PITPNM3: variants seen among roughly 807,000 people sequenced by gnomAD.
PITPNM3 encodes membrane-associated phosphatidylinositol transfer protein 3.
Under a neutral mutation model 102.0 loss-of-function variants are expected in PITPNM3, and 26 were observed. The observed-to-expected ratio is 0.25, with a 90% CI of 0.19 to 0.35. The LOEUF is 0.35. PITPNM3 is among the 10% of genes least tolerant of loss of function. The pLI is 1.00. For synonymous variants in PITPNM3, 578 were observed against 558.6 expected (o/e 1.03, Z -0.49); for missense variants, 1,083 against 1,346.1 (o/e 0.80, Z 3.06).
At chr17:6,496,066 G>T (rs1351158303) in intron 4 of PITPNM3, among the ~76,000 whole-genome samples, 1 of 152,192 alleles carries the variant, frequency 6.6e-6, no homozygotes, top group Non-Finnish European at 1.5e-5. Context: ...GGCTCATGCA[G>T]GAGCCTCTCT....
At chr17:6,482,613 G>T (rs541422988) in intron 6 of PITPNM3, among the ~76,000 whole-genome samples, 1 of 152,290 alleles carries the variant, frequency 6.6e-6, no homozygotes, top group South Asian at 2.1e-4. Context: ...ACTGGGGCAT[G>T]GTATCGGTGT....
chr17:6,490,364 A>G (rs1448699969), intron 4 of PITPNM3, among the ~76,000 whole-genome samples: 3 of 152,080 alleles, frequency 2.0e-5, no homozygotes, highest in African/African-American at 4.8e-5. Flanking sequence ...GTTTGCCTAC[A>G]TTCCCCGGTA....
chr17:6,463,941 A>G, intron 16 of PITPNM3, 60 bp from the exon 17 acceptor site: 1 of 1,602,952 alleles, frequency 6.2e-7, no homozygotes, highest in South Asian at 1.1e-5. Flanking sequence ...GCCGGAATCC[A>G]GAGGTCAGCC....
Position 6,457,641 on chromosome 17 carries a change from T to G in PITPNM3, c.2572A>C (p.Ile858Leu). The G allele has an allele frequency of 6.2e-7, 1 of 1,611,686 alleles. No homozygotes were observed. The highest frequency in any genetic ancestry group is 8.5e-7 in the Non-Finnish European group (1 of 1,179,174). The change falls in exon 19 of 20, where the codon ATC becomes CTC. Residue 858 changes from isoleucine (I) to leucine (L), a missense_variant. Physicochemically the swap from Ile to Leu is conservative, Grantham distance 5. This residue lies in a region of PITPNM3 where 208 missense variants were observed against 178.2 expected (regional missense o/e 1.17). Transcript: ENST00000262483. The surrounding 1 kb of genome is among the most constrained non-coding windows in gnomAD (Gnocchi z 4.7). Reference sequence around the variant, plus strand: ...TTGGTGGGCCGGCCCACAATGAAGATCTGGGAGGCAGGCAGGCCCAGCACG... The same window carrying G: ...TTGGTGGGCCGGCCCACAATGAAGAGCTGGGAGGCAGGCAGGCCCAGCACG... ...YSVLGLPASQ[I>L]FIVGRPTKKY...
rs1913962545 is a variant in PITPNM3 at position 6,453,667 on chromosome 17, G to T, written c.*1671C>A. 1 of 152,358 alleles carries T rather than the reference G, an allele frequency of 6.6e-6. No individual in the cohort carries two copies. Among genetic ancestry groups the T allele is most frequent in the African/African-American group, 2.4e-5 (1 of 41,462 alleles). 9.4% of individuals were successfully genotyped at this position (152,358 alleles called of 1,614,324 possible). ...CCCCAGGAGGGCACCCAATTTGCCA[G>T]GCAATTCACAACGGCGGTGCCAGCC... On this transcript the variant is annotated 3_prime_UTR_variant, in exon 20 of 20. Transcript: ENST00000262483.
In PITPNM3 at chr17:6,537,388, A is replaced by G. The variant is rs1036345433; in HGVS notation, c.118+599T>C. Reference sequence around the variant, plus strand: ...TTCCCCAGTAGCTGGGATTACAGGCACCCGCCACCACACCCGGCTAATGTT... The same window carrying G: ...TTCCCCAGTAGCTGGGATTACAGGCGCCCGCCACCACACCCGGCTAATGTT... On this transcript the variant is annotated intron_variant, in intron 2 of 19. Transcript: ENST00000262483. This position sits in a 1 kb window ranked among gnomAD's most constrained non-coding sequence, Gnocchi z 4.4. 6.6e-6 allele frequency among the ~76,000 whole-genome samples: 1 copy of G among 150,742 alleles called. No homozygotes were observed.
chr17:6,455,567 G>C lies in PITPNM3; in HGVS notation c.2696C>G (p.Ser899Trp), dbSNP rs762714529. ...GCTGCCCTTGCGCAGGATCATGCGC[G>C]AGTTGTTCTTCTTTGGGCGTGAGCG... ...SHRSRPKKNN[S>W]RMILRKGSFG... The change falls in exon 20 of 20, where the codon TCG (serine) becomes TGG (tryptophan). Residue 899 changes from serine to tryptophan, a missense_variant. By Grantham distance (177) the Ser-to-Trp change is radical. Coordinates refer to ENST00000262483, the MANE Select transcript of PITPNM3 (RefSeq NM_031220.4). 1 of 1,601,694 alleles carries C rather than the reference G, an allele frequency of 6.2e-7. No individual in the cohort carries two copies. The highest frequency in any genetic ancestry group is 1.7e-4 in the Middle Eastern group (1 of 6,058).
chr17:6,511,188 C>T (rs1044889736), intron 3 of PITPNM3, among the ~76,000 whole-genome samples: 4 of 152,170 alleles, frequency 2.6e-5, no homozygotes, highest in African/African-American at 4.8e-5. Context: ...GGATGGCCTT[C>T]GGTGCCAGGT....
At chr17:6,499,394 G>A (rs1328731389) in intron 4 of PITPNM3, among the ~76,000 whole-genome samples, 2 of 152,204 alleles carry the variant, frequency 1.3e-5, no homozygotes, top group Non-Finnish European at 2.9e-5. Flanking sequence ...TGCAACCCAA[G>A]AGGCCCTGTG....
At chr17:6,488,009 A>G (rs1000724029) in intron 4 of PITPNM3, among the ~76,000 whole-genome samples, 2 of 152,226 alleles carry the variant, frequency 1.3e-5, no homozygotes, top group African/African-American at 4.8e-5. Flanking sequence ...AGATGGAGGA[A>G]GGGAGATCTA....
intron 9 of PITPNM3, among the ~76,000 whole-genome samples, chr17:6,475,019 G>C (rs1905239583): frequency 6.6e-6 from 1 of 152,180 alleles, no homozygotes; most frequent in Non-Finnish European, 1.5e-5. Context: ...ACACTGGCAG[G>C]CCTGCCTCGT....
chr17:6,536,277 G>C lies in PITPNM3; in HGVS notation c.118+1710C>G, dbSNP rs1246821711. Among the ~76,000 whole-genome samples the C allele has an allele frequency of 3.9e-5, 6 of 152,204 alleles. No individual in the cohort carries two copies. The South Asian group carries it at 6.2e-4, about 16-fold the overall frequency. On this transcript the variant is annotated intron_variant, in intron 2 of 19. Transcript: ENST00000262483. Reference sequence around the variant, plus strand: ...TGCTCTCAGGGACGGCAGGTGAGCAGGGCCCGAAGGGATAGAGCTGACCCT... The same window carrying C: ...TGCTCTCAGGGACGGCAGGTGAGCACGGCCCGAAGGGATAGAGCTGACCCT...
At position 6,470,339 on chromosome 17, in the gene PITPNM3, A is replaced by G; in HGVS notation, c.1694T>C (p.Phe565Ser). The G allele has an allele frequency of 6.2e-7, 1 of 1,614,048 alleles. No homozygotes were observed. ...ALYCPDVLTA[F>S]PTVALPHLFH... ...GAGGTGGGGCAGGGCCACGGTGGGGAAGGCCGTGAGGACATCAGGGCAGTA... is the reference window on the plus strand; with the variant it reads ...GAGGTGGGGCAGGGCCACGGTGGGGGAGGCCGTGAGGACATCAGGGCAGTA... Residue 565 changes from phenylalanine (F) to serine (S), a missense_variant, in exon 13 of 20, where the codon TTC becomes TCC. This residue lies in a region of PITPNM3 where 410 missense variants were observed against 638.4 expected (regional missense o/e 0.64). Transcript: ENST00000262483. The surrounding 1 kb of genome is among the most constrained non-coding windows in gnomAD (Gnocchi z 4.8).
chr17:6,533,904 C>T (rs1226507996), intron 2 of PITPNM3, among the ~76,000 whole-genome samples: 2 of 152,154 alleles, frequency 1.3e-5, no homozygotes, highest in Non-Finnish European at 2.9e-5. Context: ...GATGGACGGA[C>T]GCACCATTAA....
chr17:6,483,818 C>T, intron 5 of PITPNM3, 66 bp from the exon 6 acceptor site: 1 of 1,220,106 alleles, frequency 8.2e-7, no homozygotes, highest in African/African-American at 1.5e-5. Flanking sequence ...CACACAGGGA[C>T]ACACACACAC....
Position 6,455,511 on chromosome 17 carries a change from G to T in PITPNM3, c.2752C>A (p.Arg918=). 2 of 1,605,814 alleles carry T rather than the reference G, an allele frequency of 1.2e-6. No individual in the cohort carries two copies. The highest frequency in any genetic ancestry group is 1.7e-6 in the Non-Finnish European group (2 of 1,179,574). The change falls in exon 20 of 20, where the codon CGG becomes AGG. Residue 918 remains arginine, a synonymous_variant. Transcript: ENST00000262483. The stretch of plus-strand genomic sequence containing the variant: ...GTTCTGCGCAGGTGGTTGCGCTTCC[G>T]CAGGAACTCTGGCTGCGCGTGCAGC... ...FGLHAQPEFL[R]KRNHLRRTMS...
Position 6,525,467 on chromosome 17 carries a change from T to C in PITPNM3, c.119-4A>G. On this transcript the variant is annotated splice_polypyrimidine_tract_variant and splice_region_variant and intron_variant, in intron 2 of 19. Coordinates refer to ENST00000262483, the MANE Select transcript of PITPNM3 (RefSeq NM_031220.4). ...TTCTTCCCTTCAGCCATCTCCTCTGTGGGAAGAAGCAGCGGTGAGCAGAAG... is the reference window on the plus strand; with the variant it reads ...TTCTTCCCTTCAGCCATCTCCTCTGCGGGAAGAAGCAGCGGTGAGCAGAAG... 1 of 1,612,298 alleles carries C rather than the reference T, an allele frequency of 6.2e-7. No individual in the cohort carries two copies. Among genetic ancestry groups the C allele is most frequent in the Non-Finnish European group, 8.5e-7 (1 of 1,178,304 alleles).
chr17:6,471,973 A>G (rs1201852273), intron 11 of PITPNM3, among the ~76,000 whole-genome samples: 1 of 152,158 alleles, frequency 6.6e-6, no homozygotes, highest in Admixed American at 6.5e-5. Context: ...AATCGGCCCC[A>G]TGCACAACTC....
At position 6,525,430 on chromosome 17, in the gene PITPNM3, A is replaced by T; in HGVS notation, c.152T>A (p.Ile51Asn). 1 of 1,614,178 alleles carries T rather than the reference A, an allele frequency of 6.2e-7. No individual in the cohort carries two copies. Among genetic ancestry groups the T allele is most frequent in the Non-Finnish European group, 8.5e-7 (1 of 1,180,030 alleles). ...EMAEGKNAILIGMSQWNSNDL... is the reference protein window; with the variant it reads ...EMAEGKNAILNGMSQWNSNDL... ...ATTGGAGTTCCACTGGCTCATCCCA[A>T]TGAGGATGGCATTCTTCCCTTCAGC... The change falls in exon 3 of 20, where the codon ATT becomes AAT. Residue 51 changes from isoleucine (I) to asparagine (N), a missense_variant. Transcript: ENST00000262483.
Sources: gnomAD v4.1 joint callset for allele counts (sites outside exome capture counted in the v4.1 genomes callset) on GRCh38, gnomAD v4.1.1 for gene constraint, gnomAD v4.1.1 regional missense constraint, Gnocchi (gnomAD v3.1) non-coding constraint, MANE v1.5 for transcripts, NCBI Gene and HGNC (gene_info 2026-07-23, HGNC 2026-07-21) for gene names.